Variants in LTBP2 observed in about 807,000 individuals in gnomAD.
LTBP2 encodes the protein latent transforming growth factor beta binding protein 2.
Under a neutral mutation model 210.6 loss-of-function variants are expected in LTBP2, and 103 were observed. The observed-to-expected ratio is 0.49, with a 90% CI of 0.42 to 0.58. LTBP2 has a LOEUF of 0.58. Ranked by LOEUF, LTBP2 falls within the 20% of genes least tolerant of loss-of-function variation. LTBP2 has a pLI of 0.00. For synonymous variants in LTBP2, 1,007 were observed against 1,015.0 expected (o/e 0.99, Z 0.15); for missense variants, 2,313 against 2,494.5 (o/e 0.93, Z 1.55).
At chr14:74,578,632 G>T (rs930000761) in intron 3 of LTBP2, among the ~76,000 whole-genome samples, 1 of 152,038 alleles carries the variant, frequency 6.6e-6, no homozygotes, top group South Asian at 2.1e-4. Flanking sequence ...AGTGCCACAC[G>T]GCCTCCTTCC....
At chr14:74,533,676 C>T (rs569323489) in intron 9 of LTBP2, among the ~76,000 whole-genome samples, 1 of 152,314 alleles carries the variant, frequency 6.6e-6, no homozygotes, top group Non-Finnish European at 1.5e-5. Context: ...GTGCAGGCTG[C>T]ACGCATCCCC....
chr14:74,524,655 C>A (rs1226483494), intron 15 of LTBP2, among the ~76,000 whole-genome samples: 1 of 152,164 alleles, frequency 6.6e-6, no homozygotes. Context: ...GAGAGGAATG[C>A]AGGCTTGGTT....
intron 1 of LTBP2, among the ~76,000 whole-genome samples, chr14:74,607,049 A>G (rs1290527462): frequency 1.3e-5 from 2 of 152,204 alleles, no homozygotes; most frequent in Non-Finnish European, 2.9e-5. Flanking sequence ...GTGGTATACA[A>G]TTGATACTTG....
At chr14:74,605,334 T>C (rs749134920) in intron 1 of LTBP2, among the ~76,000 whole-genome samples, 5 of 152,186 alleles carry the variant, frequency 3.3e-5, no homozygotes, top group Non-Finnish European at 5.9e-5. Context: ...GGGCACTGCC[T>C]CCCTCCCAGG....
chr14:74,597,553 G>A (rs1189053830), intron 2 of LTBP2, among the ~76,000 whole-genome samples: 1 of 152,168 alleles, frequency 6.6e-6, no homozygotes, highest in African/African-American at 2.4e-5. Flanking sequence ...GCACTCCACT[G>A]GTGTCAGCAG....
intron 3 of LTBP2, among the ~76,000 whole-genome samples, chr14:74,556,005 G>A (rs1031456610): frequency 2.0e-5 from 3 of 152,086 alleles, no homozygotes; most frequent in Non-Finnish European, 2.9e-5. Flanking sequence ...GGTGTTAGAC[G>A]GTCCTCACGT....
At chr14:74,598,969 T>C (rs8004866) in intron 2 of LTBP2, among the ~76,000 whole-genome samples, 18,903 of 152,156 alleles carry the variant, frequency 0.12, 1,685 homozygotes, top group African/African-American at 0.25. Context: ...CCGACCTCAT[T>C]TGTAAATGGG....
chr14:74,550,949 C>G, intron 7 of LTBP2, 115 bp downstream of exon 7: 1 of 1,362,998 alleles, frequency 7.3e-7, no homozygotes, highest in South Asian at 1.2e-5. Flanking sequence ...ATGGGAGAGT[C>G]TGCAGACACT....
chr14:74,508,193 G>C, intron 24 of LTBP2, 98 bp from the exon 25 acceptor site: 1 of 1,444,066 alleles, frequency 6.9e-7, no homozygotes, highest in Non-Finnish European at 9.5e-7. Context: ...CCATAGGAGA[G>C]TCAGGGAGTG....
At position 74,555,580 on chromosome 14, in the gene LTBP2, A is replaced by G; in HGVS notation, c.944T>C (p.Leu315Pro). Residue 315 changes from leucine to proline, a missense_variant, in exon 4 of 36, where the codon CTG (leucine) becomes CCG (proline). Coordinates refer to ENST00000261978, the MANE Select transcript of LTBP2 (RefSeq NM_000428.3). ...CTGCTCAAGGCCTGGTCCCGGGGGC[A>G]GGGCGTTGGAAGAGAGCTGGCTACT... ...TASSQLSSNA[L>P]PPGPGLEQRD... 2 of 1,612,360 alleles carry G rather than the reference A, an allele frequency of 1.2e-6. No homozygotes were observed. The highest frequency in any genetic ancestry group is 3.3e-4 in the Middle Eastern group (2 of 6,032).
At position 74,498,277 on chromosome 14, in the gene LTBP2, A is replaced by G. The variant is rs888211313; in HGVS notation, c.*2607T>C. ...AGGAGATACAGTGAAAAGTCTCCCA[A>G]TCCTGTACCTATCCACCCTGTCACC... On this transcript the variant is annotated 3_prime_UTR_variant, in exon 36 of 36. Coordinates refer to ENST00000261978, the MANE Select transcript of LTBP2 (RefSeq NM_000428.3). The G allele has an allele frequency of 4.3e-5, 8 of 184,894 alleles. No individual in the cohort carries two copies. Among genetic ancestry groups the G allele is most frequent in the Non-Finnish European group, 6.9e-5 (6 of 87,274 alleles). The allele number at this position is 184,894 out of a possible 1,614,324, so 11.5% of individuals were successfully genotyped here.
At chr14:74,540,016 GA>G (rs1325434779) in intron 8 of LTBP2, among the ~76,000 whole-genome samples, 1 of 152,152 alleles carries the variant, frequency 6.6e-6, no homozygotes, top group Non-Finnish European at 1.5e-5. Context: ...CTTCTAGAGG[GA>G]AATAAATGCC....
intron 16 of LTBP2, among the ~76,000 whole-genome samples, chr14:74,522,248 C>A (rs1317354305): frequency 6.6e-6 from 1 of 152,156 alleles, no homozygotes; most frequent in African/African-American, 2.4e-5. Context: ...AGAAGCCTGG[C>A]GTGACTGCCA....
chr14:74,569,750 C>T (rs4903241), intron 3 of LTBP2, among the ~76,000 whole-genome samples: 1,527 of 152,280 alleles, frequency 0.01, 29 homozygotes, highest in East Asian at 0.084. Context: ...ACCAAACACA[C>T]ATGACCTTAT....
chr14:74,516,877 C>A lies in LTBP2; in HGVS notation c.2853G>T (p.Ser951=), dbSNP rs151176143. 1.9e-6 allele frequency: 3 copies of A among 1,551,932 alleles called. No homozygotes were observed. The highest frequency in any genetic ancestry group is 1.4e-5 in the African/African-American group (1 of 73,168). The change falls in exon 18 of 36, where the codon TCG becomes TCT. Residue 951 remains serine, a synonymous_variant. Transcript: ENST00000261978. ...AGCCCTGATCACACTCGCAGTGGTACGAGCCCTCGGTGTTGGTGCACTGCC... is the reference window on the plus strand; with the variant it reads ...AGCCCTGATCACACTCGCAGTGGTAAGAGCCCTCGGTGTTGGTGCACTGCC... ...SGGQCTNTEG[S]YHCECDQGYI... is the part of the protein sequence containing the mutation.
At chr14:74,577,504 CTTTTTT>C (rs397948520) in intron 3 of LTBP2, among the ~76,000 whole-genome samples, 2 of 135,966 alleles carry the variant, frequency 1.5e-5, no homozygotes, top group Admixed American at 1.5e-4. Flanking sequence ...ACCATTATCT[CTTTTTT>C]TTTTTTTTTT....
chr14:74,528,450 A>G (rs1263641477), intron 12 of LTBP2, 33 bp downstream of exon 12: 3 of 1,609,796 alleles, frequency 1.9e-6, no homozygotes, highest in Non-Finnish European at 2.5e-6. Context: ...GGGGAAAGGA[A>G]AATCCCTCAG....
intron 7 of LTBP2, among the ~76,000 whole-genome samples, chr14:74,550,772 T>C (rs2087641917): frequency 6.6e-6 from 1 of 152,192 alleles, no homozygotes. Flanking sequence ...TCAGCATCTC[T>C]AGGCTGCCTT....
Position 74,585,839 on chromosome 14 carries a change from G to C in LTBP2, c.830+15C>G, listed in dbSNP as rs2088196700. 6.2e-7 allele frequency: 1 copy of C among 1,613,852 alleles called. No individual in the cohort carries two copies. The highest frequency in any genetic ancestry group is 8.5e-7 in the Non-Finnish European group (1 of 1,179,858). On this transcript the variant is annotated intron_variant, in intron 3 of 35. Coordinates refer to ENST00000261978, the MANE Select transcript of LTBP2 (RefSeq NM_000428.3). ...TGAGCCCCAGACCCCAAGCCCCATG[G>C]AGAAGGGGACTTACCCAGCTGGTGG...
Sources: allele counts gnomAD v4.1 joint callset (sites outside exome capture counted in the v4.1 genomes callset), GRCh38; gene constraint gnomAD v4.1.1; transcripts MANE v1.5; gene names NCBI Gene and HGNC (gene_info 2026-07-23, HGNC 2026-07-21).